Variants in ROBO2 observed in about 807,000 individuals in gnomAD.
ROBO2 encodes roundabout guidance receptor 2.
In ROBO2, 53 loss-of-function variants were observed where a neutral mutation model predicts 160.8. The ratio of observed to expected loss-of-function variants is 0.33; its 90% CI spans 0.26 to 0.41. The LOEUF is 0.41. Among genes scored for constraint, ROBO2 ranks in the 10% least tolerant of loss-of-function variants. ROBO2 has a pLI of 1.00. For synonymous variants in ROBO2, 664 were observed against 611.7 expected (o/e 1.09, Z -1.26); for missense variants, 1,577 against 1,722.4 (o/e 0.92, Z 1.49).
chr3:76,514,207 G>C (rs1042986029), intron 2 of ROBO2, among the ~76,000 whole-genome samples: 3 of 151,958 alleles, frequency 2.0e-5, no homozygotes, highest in Non-Finnish European at 4.4e-5. Context: ...ATGTTGCTCT[G>C]TTTCCTGTGT....
chr3:76,158,050 G>A (rs891569335), intron 2 of ROBO2, among the ~76,000 whole-genome samples: 6 of 152,150 alleles, frequency 3.9e-5, no homozygotes, highest in African/African-American at 1.2e-4. Flanking sequence ...GTCTCAGGAA[G>A]TTGGGAACCA....
chr3:77,088,318 AG>A (rs2069635696), intron 1 of ROBO2, among the ~76,000 whole-genome samples: 2 of 152,318 alleles, frequency 1.3e-5, no homozygotes, highest in South Asian at 2.1e-4. Context: ...TAATTAAGGA[AG>A]GAAATTTTAA....
intron 2 of ROBO2, among the ~76,000 whole-genome samples, chr3:77,182,035 A>G (rs915174462): frequency 1.3e-5 from 2 of 151,994 alleles, no homozygotes; most frequent in African/African-American, 2.4e-5. Context: ...TCACCTTCTG[A>G]TATTTTGTAG....
intron 2 of ROBO2, among the ~76,000 whole-genome samples, chr3:76,327,909 A>G (rs1264265748): frequency 6.6e-6 from 1 of 152,110 alleles, no homozygotes; most frequent in East Asian, 1.9e-4. Context: ...GATAATGGGG[A>G]AGATCACTTT....
intron 2 of ROBO2, among the ~76,000 whole-genome samples, chr3:76,945,271 T>C (rs762929802): frequency 3.9e-5 from 6 of 152,094 alleles, no homozygotes; most frequent in Non-Finnish European, 7.4e-5. Flanking sequence ...ATTTAATGAA[T>C]GTTAATTATT....
intron 2 of ROBO2, among the ~76,000 whole-genome samples, chr3:76,074,082 A>G (rs544695314): frequency 2.0e-5 from 3 of 151,814 alleles, no homozygotes; most frequent in Admixed American, 1.3e-4. Flanking sequence ...CTTCAGTTTC[A>G]TCAGATAATA....
chr3:76,446,977 A>G (rs1559961122), intron 2 of ROBO2, among the ~76,000 whole-genome samples: 1 of 152,242 alleles, frequency 6.6e-6, no homozygotes, highest in South Asian at 2.1e-4. Context: ...GGACATAGGC[A>G]TGGACAAGGA....
At chr3:76,796,629 T>G (rs2063722240) in intron 2 of ROBO2, among the ~76,000 whole-genome samples, 1 of 152,118 alleles carries the variant, frequency 6.6e-6, no homozygotes, top group Middle Eastern at 3.4e-3. Flanking sequence ...ATAAATGGAC[T>G]ACACTCTCCA....
intron 2 of ROBO2, among the ~76,000 whole-genome samples, chr3:77,204,048 G>T (rs1412350556): frequency 1.3e-5 from 2 of 152,162 alleles, no homozygotes; most frequent in African/African-American, 4.8e-5. Context: ...AACTTACAGA[G>T]GAGATAAATG....
intron 1 of ROBO2, among the ~76,000 whole-genome samples, chr3:77,077,586 C>T (rs1370574993): frequency 6.6e-6 from 1 of 152,136 alleles, no homozygotes; most frequent in Non-Finnish European, 1.5e-5. Flanking sequence ...GAGAAAAAAT[C>T]AGCTGGGACT....
intron 2 of ROBO2, among the ~76,000 whole-genome samples, chr3:76,829,572 T>C (rs1175541468): frequency 1.3e-5 from 2 of 152,142 alleles, no homozygotes; most frequent in Non-Finnish European, 2.9e-5. Context: ...TCTAGGTTTC[T>C]TCTCAGACTC....
chr3:76,591,323 A>G (rs1017630479), intron 2 of ROBO2, among the ~76,000 whole-genome samples: 2 of 152,102 alleles, frequency 1.3e-5, no homozygotes, highest in African/African-American at 4.8e-5. Flanking sequence ...AAGGAGATAA[A>G]AAGGAAAGAT....
intron 2 of ROBO2, among the ~76,000 whole-genome samples, chr3:76,471,265 A>T (rs2078642787): frequency 6.6e-6 from 1 of 152,196 alleles, no homozygotes; most frequent in African/African-American, 2.4e-5. Context: ...TAACTGGATA[A>T]GAAGAAGCAC....
chr3:77,636,774 CTG>C (rs2095270929), intron 24 of ROBO2, among the ~76,000 whole-genome samples: 1 of 152,124 alleles, frequency 6.6e-6, no homozygotes, highest in South Asian at 2.1e-4. Context: ...TGCTTAAACA[CTG>C]TTAGTTTCAG....
intron 2 of ROBO2, among the ~76,000 whole-genome samples, chr3:76,168,267 A>G (rs1318784478): frequency 1.3e-5 from 2 of 152,158 alleles, no homozygotes; most frequent in Non-Finnish European, 2.9e-5. Flanking sequence ...TATTTCAAAT[A>G]AGAGTACATA....
At chr3:75,952,781 T>C (rs1234528501) in intron 2 of ROBO2, among the ~76,000 whole-genome samples, 2 of 151,954 alleles carry the variant, frequency 1.3e-5, no homozygotes, top group African/African-American at 4.8e-5. Flanking sequence ...TCTTCCTTGC[T>C]CCATCTATTC....
At chr3:76,968,840 G>C (rs2059434372) in intron 2 of ROBO2, among the ~76,000 whole-genome samples, 1 of 152,108 alleles carries the variant, frequency 6.6e-6, no homozygotes, top group Non-Finnish European at 1.5e-5. Context: ...TTTCAACAGA[G>C]TTTATATTTT....
chr3:76,395,760 AG>A lies in ROBO2; in HGVS notation c.109+458159del, dbSNP rs572214965. On this transcript the variant is annotated intron_variant, in intron 2 of 26. Transcript: ENST00000487694. Reference sequence around the variant, plus strand: ...ATTCCTGGACACATACATTCTCCCAAGACTAAACCAGGAAGAAGTTGAATCT... The same window carrying A: ...ATTCCTGGACACATACATTCTCCCAAACTAAACCAGGAAGAAGTTGAATCT... Among the ~76,000 whole-genome samples, 11 of 152,308 alleles carry A rather than the reference AG, an allele frequency of 7.2e-5. No individual in the cohort carries two copies. In the East Asian group the frequency reaches 2.1e-3, roughly 29 times the overall value.
At chr3:76,567,374 C>G (rs201006333) in intron 2 of ROBO2, among the ~76,000 whole-genome samples, 4 of 151,672 alleles carry the variant, frequency 2.6e-5, no homozygotes, top group Non-Finnish European at 5.9e-5. Context: ...CGTTTAATAC[C>G]CTGCCAGTGC....
Sources: allele counts gnomAD v4.1 joint callset (sites outside exome capture counted in the v4.1 genomes callset), GRCh38; gene constraint gnomAD v4.1.1; transcripts MANE v1.5; gene names NCBI Gene and HGNC (gene_info 2026-07-23, HGNC 2026-07-21).